Variants in HNRNPC observed in about 807,000 individuals in gnomAD.
The protein encoded by HNRNPC is heterogeneous nuclear ribonucleoproteins C1/C2.
In HNRNPC, 3 loss-of-function variants were observed where a neutral mutation model predicts 33.2. The ratio of observed to expected loss-of-function variants is 0.09; its 90% CI spans 0.04 to 0.23. The LOEUF is 0.23. Among genes scored for constraint, HNRNPC ranks in the 10% least tolerant of loss-of-function variants. The probability of loss-of-function intolerance (pLI) is 1.00; values close to 1 mark genes in which losing one functional copy is unlikely to be tolerated. For missense variants in HNRNPC, 143 were observed against 366.7 expected (o/e 0.39, Z 4.98); for synonymous variants, 121 against 126.7 (o/e 0.96, Z 0.30).
chr14:21,262,513 G>A (rs1477397776), intron 2 of HNRNPC: 1 of 152,250 alleles, frequency 6.6e-6, no homozygotes, highest in Admixed American at 6.5e-5. Context: ...ACTTCCAGAT[G>A]CTATGACCTA....
intron 5 of HNRNPC, among the ~76,000 whole-genome samples, chr14:21,223,988 G>C (rs1008110664): frequency 6.6e-6 from 1 of 152,096 alleles, no homozygotes; most frequent in Non-Finnish European, 1.5e-5. Flanking sequence ...TAGCCTAGAA[G>C]TCTCCTGCTC....
intron 2 of HNRNPC, among the ~76,000 whole-genome samples, chr14:21,237,519 T>C (rs770045825): frequency 4.6e-5 from 7 of 152,344 alleles, no homozygotes; most frequent in Middle Eastern, 3.4e-3. Flanking sequence ...CTCAGCTTCA[T>C]CTGCAATATT....
chr14:21,216,927 G>C (rs1892257148), intron 5 of HNRNPC, among the ~76,000 whole-genome samples: 1 of 152,164 alleles, frequency 6.6e-6, no homozygotes, highest in Non-Finnish European at 1.5e-5. Flanking sequence ...AAACTAGCTA[G>C]CTAGCTAGTT....
At chr14:21,258,677 T>G (rs537635194) in intron 2 of HNRNPC, among the ~76,000 whole-genome samples, 103 of 152,312 alleles carry the variant, frequency 6.8e-4, no homozygotes, top group African/African-American at 2.4e-3. Context: ...TAAATTAATG[T>G]CCTGCTACTT....
intron 5 of HNRNPC, among the ~76,000 whole-genome samples, chr14:21,229,076 T>C (rs1356145898): frequency 7.3e-6 from 1 of 136,260 alleles, no homozygotes; most frequent in African/African-American, 2.8e-5. Flanking sequence ...GAGAGGAAAA[T>C]TCCGTATTTA....
At chr14:21,260,057 G>A (rs1314462971) in intron 2 of HNRNPC, among the ~76,000 whole-genome samples, 2 of 134,984 alleles carry the variant, frequency 1.5e-5, no homozygotes, top group African/African-American at 3.0e-5. Context: ...AAAATTAGCC[G>A]GGCGTAGTGG....
chr14:21,262,294 A>G (rs188288686), intron 2 of HNRNPC, among the ~76,000 whole-genome samples: 91 of 152,322 alleles, frequency 6.0e-4, no homozygotes, highest in African/African-American at 1.6e-3. Flanking sequence ...GTAACAATCT[A>G]AAAAAAGGGA....
At chr14:21,258,773 A>T (rs888994906) in intron 2 of HNRNPC, among the ~76,000 whole-genome samples, 2 of 152,174 alleles carry the variant, frequency 1.3e-5, no homozygotes, top group Non-Finnish European at 2.9e-5. Context: ...TCAGTTCTCA[A>T]CCTATCTTAC....
chr14:21,238,816 T>C (rs1004490649), intron 2 of HNRNPC, among the ~76,000 whole-genome samples: 1 of 152,124 alleles, frequency 6.6e-6, no homozygotes, highest in Non-Finnish European at 1.5e-5. Context: ...CTAATTTACA[T>C]GAACTAGATT....
intron 6 of HNRNPC, among the ~76,000 whole-genome samples, chr14:21,212,527 T>C (rs1891728137): frequency 6.6e-6 from 1 of 151,970 alleles, no homozygotes; most frequent in Non-Finnish European, 1.5e-5. Context: ...CACAATCTTG[T>C]CTCCTCTGTT....
chr14:21,218,632 A>C (rs1652557390), intron 5 of HNRNPC, among the ~76,000 whole-genome samples: 1 of 141,920 alleles, frequency 7.0e-6, no homozygotes, highest in Admixed American at 7.5e-5. Flanking sequence ...CAGTAAGCCA[A>C]GATCGCACCA....
At chr14:21,217,910 G>A (rs1308562056) in intron 5 of HNRNPC, among the ~76,000 whole-genome samples, 1 of 152,102 alleles carries the variant, frequency 6.6e-6, no homozygotes, top group Non-Finnish European at 1.5e-5. Context: ...TTCATGGGAA[G>A]ACAATTTGAA....
At chr14:21,250,396 C>A (rs570008610) in intron 2 of HNRNPC, among the ~76,000 whole-genome samples, 1 of 152,226 alleles carries the variant, frequency 6.6e-6, no homozygotes, top group Middle Eastern at 3.4e-3. Context: ...TTAGACTGTT[C>A]TGTATGTTTA....
At chr14:21,223,959 A>G (rs1462599907) in intron 5 of HNRNPC, among the ~76,000 whole-genome samples, 1 of 152,146 alleles carries the variant, frequency 6.6e-6, no homozygotes, top group Non-Finnish European at 1.5e-5. Flanking sequence ...TCTGAGAGTC[A>G]TCTGTTAGCT....
chr14:21,211,553 ATTC>A lies in HNRNPC; in HGVS notation c.648_650del (p.Lys216del), dbSNP rs1566590873. 1 of 1,608,528 alleles carries A rather than the reference ATTC, an allele frequency of 6.2e-7. No homozygotes were observed. The highest frequency in any genetic ancestry group is 1.1e-5 in the South Asian group (1 of 90,204). On this transcript the variant is annotated inframe_deletion, in exon 8 of 9. Coordinates refer to ENST00000553300, the MANE Select transcript of HNRNPC (RefSeq NM_004500.4). ...TGCTCTGCTCCTCTTCTGACTTATC[ATTC>A]TTCATCTCTACTGCGGATGAGAAGG...
chr14:21,266,563 T>A (rs1879017015), intron 1 of HNRNPC, among the ~76,000 whole-genome samples: 1 of 151,258 alleles, frequency 6.6e-6, no homozygotes, highest in South Asian at 2.1e-4. Flanking sequence ...TTTATGTTAA[T>A]AAACTCAAAA....
chr14:21,214,603 T>C (rs776544783), intron 5 of HNRNPC, among the ~76,000 whole-genome samples: 12 of 152,156 alleles, frequency 7.9e-5, no homozygotes, highest in African/African-American at 1.4e-4. Flanking sequence ...AGAAAAAAGT[T>C]TGCATTTCCC....
At chr14:21,261,822 G>T (rs1461049540) in intron 2 of HNRNPC, among the ~76,000 whole-genome samples, 2 of 152,178 alleles carry the variant, frequency 1.3e-5, no homozygotes, top group African/African-American at 2.4e-5. Context: ...AAAACATTTT[G>T]CTGCAGTGAG....
At chr14:21,257,662 A>G (rs952063592) in intron 2 of HNRNPC, among the ~76,000 whole-genome samples, 2 of 151,976 alleles carry the variant, frequency 1.3e-5, no homozygotes, top group African/African-American at 4.8e-5. Flanking sequence ...CATAACTCAC[A>G]CTGACCTCAA....
Sources: gnomAD v4.1 joint callset for allele counts (sites outside exome capture counted in the v4.1 genomes callset) on GRCh38, gnomAD v4.1.1 for gene constraint, MANE v1.5 for transcripts, NCBI Gene and HGNC (gene_info 2026-07-23, HGNC 2026-07-21) for gene names.